The following EDA2R variants were observed in gnomAD, a reference collection of about 807,000 sequenced individuals.
EDA2R encodes the protein ectodysplasin A2 receptor, also known as tumor necrosis factor receptor superfamily member 27.
In EDA2R, 26 loss-of-function variants were observed where a neutral mutation model predicts 20.1. The ratio of observed to expected loss-of-function variants is 1.30; its 90% CI spans 0.95 to 1.80. EDA2R has a LOEUF of 1.80. Ranked by LOEUF, EDA2R falls within the 40% of genes most tolerant of loss-of-function variation. EDA2R has a pLI of 0.00. For missense variants in EDA2R, 277 were observed against 228.7 expected, an observed-to-expected ratio of 1.21 and a Z score of -1.36; for synonymous variants, 114 against 88.7, an observed-to-expected ratio of 1.29 and a Z score of -1.60.
chrX:66,621,537 G>C (rs1373471441), intron 1 of EDA2R, among the ~76,000 whole-genome samples: 3 of 112,346 alleles, frequency 2.7e-5, no homozygotes, highest in Admixed American at 9.4e-5. Flanking sequence ...ACAAAATGTG[G>C]TTTATCCATA....
intron 2 of EDA2R, among the ~76,000 whole-genome samples, chrX:66,614,942 C>G (rs1411360665): frequency 9.0e-6 from 1 of 111,221 alleles, no homozygotes; most frequent in Non-Finnish European, 1.9e-5. Flanking sequence ...CCTCCTTTTC[C>G]TTCAAAATGC....
intron 1 of EDA2R, among the ~76,000 whole-genome samples, chrX:66,627,096 AC>A (rs2147965833): frequency 8.9e-6 from 1 of 112,137 alleles, no homozygotes; most frequent in Non-Finnish European, 1.9e-5. Context: ...CCAAACCACC[AC>A]TACAAGAACT....
In EDA2R at chrX:66,625,500, C is replaced by T. The variant is rs1304269995; in HGVS notation, c.-10-9470G>A. Among the ~76,000 whole-genome samples the T allele has an allele frequency of 2.7e-5, 3 of 111,223 alleles. No homozygotes were observed. The East Asian group carries it at 8.6e-4, about 32-fold the overall frequency. On this transcript the variant is annotated intron_variant, in intron 1 of 6. Coordinates refer to ENST00000374719, the MANE Select transcript of EDA2R (RefSeq NM_021783.5). Reference sequence around the variant, plus strand: ...AACCTCACCCCCACCCACACAGCAGCCACAGCAAGACCTATCCAAGGAGAG... The same window carrying T: ...AACCTCACCCCCACCCACACAGCAGTCACAGCAAGACCTATCCAAGGAGAG...
chrX:66,634,257 A>C (rs1288634593), intron 1 of EDA2R, among the ~76,000 whole-genome samples: 1 of 112,456 alleles, frequency 8.9e-6, no homozygotes, highest in African/African-American at 3.2e-5. Context: ...AGAAAGGTAT[A>C]GTACTTTGTG....
chrX:66,615,368 G>C (rs1931495746), intron 2 of EDA2R, among the ~76,000 whole-genome samples: 1 of 111,718 alleles, frequency 9.0e-6, no homozygotes, highest in Non-Finnish European at 1.9e-5. Flanking sequence ...CCAAGTTCAG[G>C]GACCTACAAG....
intron 1 of EDA2R, among the ~76,000 whole-genome samples, chrX:66,629,916 C>T (rs1421437246): frequency 9.0e-6 from 1 of 111,475 alleles, no homozygotes; most frequent in Non-Finnish European, 1.9e-5. Context: ...AATCTGGAGG[C>T]ATCACACTAC....
intron 4 of EDA2R, among the ~76,000 whole-genome samples, chrX:66,603,265 C>T (rs1928986626): frequency 8.9e-6 from 1 of 112,060 alleles, no homozygotes; most frequent in Non-Finnish European, 1.9e-5. Flanking sequence ...AAACATTATA[C>T]AATACATAAC....
In EDA2R at chrX:66,604,498, C is replaced by T. The variant is rs200268345; in HGVS notation, c.275G>A (p.Arg92Gln). Reference protein sequence around the residue: ...VCGDCLPRFYRKTRIGGLQDQ... With the variant: ...VCGDCLPRFYQKTRIGGLQDQ... ...CTGCAGGCCTCCAATGCGTGTCTTT[C>T]GGTAGAACCTGTGTTCAGAGCAATT... The change falls in exon 4 of 7, where the codon CGA (arginine) becomes CAA (glutamine). Residue 92 changes from arginine to glutamine, a missense_variant. Arg to Gln is a conservative substitution (Grantham distance 43). Coordinates refer to ENST00000374719, the MANE Select transcript of EDA2R (RefSeq NM_021783.5). The T allele has an allele frequency of 1.9e-4, 223 of 1,205,394 alleles. No individual in the cohort carries two copies. The Middle Eastern group carries it at 3.9e-3, about 21-fold the overall frequency.
chrX:66,626,511 C>T (rs1933088800), intron 1 of EDA2R, among the ~76,000 whole-genome samples: 1 of 111,106 alleles, frequency 9.0e-6, no homozygotes, highest in South Asian at 3.8e-4. Context: ...TCCAAGAAGT[C>T]TGGGATTATA....
chrX:66,613,987 C>T (rs767362182), intron 2 of EDA2R, among the ~76,000 whole-genome samples: 5 of 111,551 alleles, frequency 4.5e-5, no homozygotes, highest in South Asian at 3.8e-4. Context: ...GCCTCCAGAA[C>T]GGATTCTTGA....
chrX:66,627,285 C>T (rs937289853), intron 1 of EDA2R, among the ~76,000 whole-genome samples: 13 of 112,313 alleles, frequency 1.2e-4, no homozygotes, highest in Non-Finnish European at 2.1e-4. Context: ...CATCTCAATA[C>T]TAACATTGAA....
At chrX:66,621,014 C>T (rs1250507512) in intron 1 of EDA2R, among the ~76,000 whole-genome samples, 5 of 106,735 alleles carry the variant, frequency 4.7e-5, no homozygotes, top group Admixed American at 1.0e-4. Flanking sequence ...CGGTGGCTCA[C>T]GCCTGTAATC....
intron 1 of EDA2R, among the ~76,000 whole-genome samples, chrX:66,637,349 C>A (rs1022073378): frequency 9.0e-6 from 1 of 111,720 alleles, no homozygotes; most frequent in African/African-American, 3.3e-5. Context: ...CCTAGTTTAT[C>A]CCCCTCTTGT....
intron 1 of EDA2R, among the ~76,000 whole-genome samples, chrX:66,627,822 G>A (rs924786430): frequency 1.8e-5 from 2 of 111,755 alleles, no homozygotes; most frequent in African/African-American, 3.2e-5. Context: ...AACCTATACC[G>A]TGGAATAAAT....
At chrX:66,607,041 G>T (rs896340931) in intron 2 of EDA2R, among the ~76,000 whole-genome samples, 2 of 112,023 alleles carry the variant, frequency 1.8e-5, no homozygotes, top group East Asian at 2.8e-4. Flanking sequence ...GCTGGGGGAG[G>T]TTCCTTTAGA....
intron 1 of EDA2R, among the ~76,000 whole-genome samples, chrX:66,632,373 G>A (rs773147744): frequency 2.7e-5 from 3 of 110,612 alleles, no homozygotes; most frequent in African/African-American, 9.9e-5. Context: ...GCAGTGAGCC[G>A]AGATTGTGCC....
At chrX:66,635,834 G>A (rs1163327219) in intron 1 of EDA2R, among the ~76,000 whole-genome samples, 1 of 112,203 alleles carries the variant, frequency 8.9e-6, no homozygotes, top group Non-Finnish European at 1.9e-5. Context: ...TCCCTCATTT[G>A]GGGATAAGGA....
In EDA2R at chrX:66,599,810, A is replaced by G; in HGVS notation, c.568T>C (p.Phe190Leu). 4.1e-6 allele frequency: 5 copies of G among 1,208,788 alleles called. No individual in the cohort carries two copies. The highest frequency in any genetic ancestry group is 5.6e-6 in the Non-Finnish European group (5 of 894,201). ...GTCTCCTTGCTGGGTGGCACGGGGA[A>G]GAGAGATTCCTCCTTTGCTGTTTTA... The part of the protein sequence containing the change: ...ADKTAKEESL[F>L]PVPPSKETSA... The change falls in exon 6 of 7, where the codon TTC (phenylalanine) becomes CTC (leucine). Residue 190 changes from phenylalanine to leucine, a missense_variant. Transcript: ENST00000374719.
intron 4 of EDA2R, among the ~76,000 whole-genome samples, chrX:66,603,019 C>T (rs181001235): frequency 2.7e-5 from 3 of 111,916 alleles, no homozygotes; most frequent in East Asian, 2.8e-4. Context: ...TACAATTAAT[C>T]GAAGATGCAC....
Sources: allele counts gnomAD v4.1 joint callset (sites outside exome capture counted in the v4.1 genomes callset), GRCh38; gene constraint gnomAD v4.1.1; transcripts MANE v1.5; gene names NCBI Gene and HGNC (gene_info 2026-07-23, HGNC 2026-07-21).